The following EXOC2 variants were observed in gnomAD, a reference collection of about 807,000 sequenced individuals.
EXOC2 encodes the protein exocyst complex component 2, also known as SEC5-like 1.
A neutral mutation model predicts 131.8 loss-of-function variants in EXOC2; 70 were observed. The ratio of observed to expected loss-of-function variants is 0.53; its 90% CI spans 0.44 to 0.65. The LOEUF (loss-of-function observed/expected upper bound fraction) is 0.65, where lower values mean the gene tolerates loss of function less well. Ranked by LOEUF, EXOC2 falls within the 30% of genes least tolerant of loss-of-function variation. EXOC2 has a pLI of 0.00. For missense variants in EXOC2, 923 were observed against 1,108.6 expected (o/e 0.83, Z 2.38); for synonymous variants, 411 against 398.4 (o/e 1.03, Z -0.38).
intron 17 of EXOC2, among the ~76,000 whole-genome samples, chr6:561,314 T>C (rs1211748688): frequency 6.6e-6 from 1 of 152,182 alleles, no homozygotes; most frequent in Non-Finnish European, 1.5e-5. Flanking sequence ...ATGGTGGAAC[T>C]GGCTGGATAG....
chr6:591,898 C>T (rs1251371640), intron 11 of EXOC2, among the ~76,000 whole-genome samples: 1 of 152,202 alleles, frequency 6.6e-6, no homozygotes, highest in African/African-American at 2.4e-5. Flanking sequence ...GCTGAGATGG[C>T]TAGTAAGCTA....
chr6:573,848 A>C (rs1215884890), intron 12 of EXOC2, among the ~76,000 whole-genome samples: 1 of 152,202 alleles, frequency 6.6e-6, no homozygotes, highest in African/African-American at 2.4e-5. Flanking sequence ...CAGCCGGAAG[A>C]AACCACTGTC....
Position 632,934 on chromosome 6 carries a change from A to C in EXOC2, c.295+7T>G, listed in dbSNP as rs1468247722. 2 of 1,603,484 alleles carry C rather than the reference A, an allele frequency of 1.2e-6. No individual in the cohort carries two copies. The highest frequency in any genetic ancestry group is 1.1e-5 in the South Asian group (1 of 89,988). ...CTTCTTTAGAATAAACCCATGAAAG[A>C]CTTTACCTATTTTCTCAGGTTTGAG... On this transcript the variant is annotated splice_region_variant and intron_variant, in intron 3 of 27. Transcript: ENST00000230449.
chr6:647,309 C>T (rs1762618343), intron 1 of EXOC2, among the ~76,000 whole-genome samples: 1 of 151,820 alleles, frequency 6.6e-6, no homozygotes, highest in African/African-American at 2.4e-5. Context: ...TTACCGTTGA[C>T]ATTAATGTTA....
At chr6:538,232 C>A (rs1210399621) in intron 22 of EXOC2, among the ~76,000 whole-genome samples, 2 of 152,184 alleles carry the variant, frequency 1.3e-5, no homozygotes, top group African/African-American at 4.8e-5. Flanking sequence ...ACAGATAATT[C>A]AGGAAACTTG....
chr6:586,206 C>T (rs941005912), intron 11 of EXOC2, among the ~76,000 whole-genome samples: 9 of 152,274 alleles, frequency 5.9e-5, no homozygotes, highest in South Asian at 2.1e-4. Context: ...CACCGAGCCC[C>T]GGGCATCAGA....
chr6:634,816 T>C (rs1359496135), intron 2 of EXOC2, among the ~76,000 whole-genome samples: 4 of 152,312 alleles, frequency 2.6e-5, no homozygotes, highest in East Asian at 3.9e-4. Flanking sequence ...GGGCATGTCT[T>C]TGATATTTTT....
At chr6:671,445 G>C (rs548379302) in intron 1 of EXOC2, among the ~76,000 whole-genome samples, 13 of 152,078 alleles carry the variant, frequency 8.5e-5, no homozygotes, top group African/African-American at 3.1e-4. Flanking sequence ...AATGTGGGGT[G>C]TAGGTGCTGG....
intron 24 of EXOC2, among the ~76,000 whole-genome samples, 173 bp downstream of exon 24, chr6:499,472 C>CACACAG (rs1554116818): frequency 1.4e-5 from 2 of 146,820 alleles, no homozygotes; most frequent in African/African-American, 2.5e-5. Context: ...CACACACACA[C>CACACAG]AGAGACAGAG....
At chr6:503,854 G>A (rs144479374) in intron 23 of EXOC2, among the ~76,000 whole-genome samples, 24 of 152,240 alleles carry the variant, frequency 1.6e-4, no homozygotes, top group Admixed American at 3.9e-4. Flanking sequence ...CGAGTAGCAC[G>A]CCCGCACCCT....
At chr6:497,590 G>A in intron 24 of EXOC2, 101 bp from the exon 25 acceptor site, 1 of 1,433,046 alleles carries the variant, frequency 7.0e-7, no homozygotes, top group East Asian at 2.5e-5. Flanking sequence ...AAAATCAACA[G>A]GACTTCTAAG....
chr6:676,780 G>T (rs113239218), intron 1 of EXOC2, among the ~76,000 whole-genome samples: 625 of 37,014 alleles, frequency 0.017, 4 homozygotes, highest in East Asian at 0.087. Flanking sequence ...CAGGTTCCTC[G>T]GGAGACTCTG....
intron 23 of EXOC2, 79 bp from the exon 24 acceptor site, chr6:499,779 A>G: frequency 8.6e-7 from 1 of 1,168,286 alleles, no homozygotes; most frequent in South Asian, 1.3e-5. Flanking sequence ...GCTGTACCCC[A>G]TGCTTTAGAG....
At chr6:666,011 T>C (rs1763630429) in intron 1 of EXOC2, among the ~76,000 whole-genome samples, 1 of 152,250 alleles carries the variant, frequency 6.6e-6, no homozygotes, top group East Asian at 1.9e-4. Context: ...AATAAAGTTT[T>C]ATCAGAACAC....
At position 485,603 on chromosome 6, in the gene EXOC2, G is replaced by A. The variant is rs1763000253; in HGVS notation, c.*1068C>T. 6.6e-6 allele frequency: 1 copy of A among 152,234 alleles called. No individual in the cohort carries two copies. The highest frequency in any genetic ancestry group is 2.1e-4 in the South Asian group (1 of 4,830). The allele number at this position is 152,234 out of a possible 1,614,324, so 9.4% of individuals were successfully genotyped here. A position where few individuals can be genotyped will look rare whatever the true frequency, so the allele number is the denominator to read the frequency against. On this transcript the variant is annotated 3_prime_UTR_variant, in exon 28 of 28. Transcript: ENST00000230449. Reference sequence around the variant, plus strand: ...GGGTGGGCCGCTGACTCTGAGAGAAGTCCCGGTGACCTGAACCTATTCCAG... The same window carrying A: ...GGGTGGGCCGCTGACTCTGAGAGAAATCCCGGTGACCTGAACCTATTCCAG...
At chr6:614,784 T>C (rs377392657) in intron 6 of EXOC2, among the ~76,000 whole-genome samples, 8 of 152,138 alleles carry the variant, frequency 5.3e-5, no homozygotes, top group East Asian at 1.9e-4. Context: ...CTATATCAAA[T>C]AGTGGACCCT....
intron 23 of EXOC2, among the ~76,000 whole-genome samples, chr6:511,224 G>T (rs562821709): frequency 6.6e-6 from 1 of 152,146 alleles, no homozygotes; most frequent in African/African-American, 2.4e-5. Context: ...AGCGGGTCCC[G>T]CACCCCTTTG....
Position 615,957 on chromosome 6 carries a change from CATT to C in EXOC2, c.661+1751_661+1753del, listed in dbSNP as rs533611074. Among the ~76,000 whole-genome samples, 1,263 of 152,284 alleles carry C rather than the reference CATT, an allele frequency of 8.3e-3. 21 individuals are homozygous for C. The highest frequency in any genetic ancestry group is 0.029 in the African/African-American group (1,196 of 41,552). On this transcript the variant is annotated intron_variant, in intron 6 of 27. Transcript: ENST00000230449. ...CCAATTTGGTTAACTATGATAATAT[CATT>C]GTGATTATGCACATAAATGTCCTTG...
At chr6:516,251 A>G (rs1765160422) in intron 23 of EXOC2, among the ~76,000 whole-genome samples, 1 of 152,158 alleles carries the variant, frequency 6.6e-6, no homozygotes, top group Admixed American at 6.5e-5. Flanking sequence ...ACGCTGGGAG[A>G]ATACGCATTT....
Sources: gnomAD v4.1 joint callset for allele counts (sites outside exome capture counted in the v4.1 genomes callset) on GRCh38, gnomAD v4.1.1 for gene constraint, MANE v1.5 for transcripts, NCBI Gene and HGNC (gene_info 2026-07-23, HGNC 2026-07-21) for gene names.